ZNF90: variants seen among roughly 807,000 people sequenced by gnomAD.
The protein encoded by ZNF90 is zinc finger protein HTF9.
Under a neutral mutation model 12.0 loss-of-function variants are expected in ZNF90, and 11 were observed. That is an observed-to-expected ratio of 0.92 (90% confidence interval 0.58 to 1.52). ZNF90 has a LOEUF of 1.52. ZNF90 is among the 40% of genes most tolerant of loss of function. The pLI, the probability that ZNF90 is intolerant of heterozygous loss-of-function variation, is 0.00. For missense variants in ZNF90, 765 were observed against 711.5 expected (o/e 1.08, Z -0.86); for synonymous variants, 232 against 240.1 (o/e 0.97, Z 0.31).
At chr19:20,105,166 G>A in intron 2 of ZNF90, 55 bp from the exon 3 acceptor site, 1 of 1,397,430 alleles carries the variant, frequency 7.2e-7, no homozygotes, top group African/African-American at 1.4e-5. Context: ...CACAGTACTA[G>A]CTTGTAATTG....
At chr19:20,096,861 A>G (rs1182868912) in intron 1 of ZNF90, among the ~76,000 whole-genome samples, 4 of 152,220 alleles carry the variant, frequency 2.6e-5, no homozygotes, top group African/African-American at 9.7e-5. Flanking sequence ...AGTAGCCAAA[A>G]TGATAGAACC....
chr19:20,085,446 G>C (rs1379437417), intron 1 of ZNF90, among the ~76,000 whole-genome samples: 1 of 151,778 alleles, frequency 6.6e-6, no homozygotes, highest in Non-Finnish European at 1.5e-5. Flanking sequence ...ATTTTTAGTA[G>C]AGATGGGGTT....
rs1041131628 is a variant in ZNF90, at chr19:20,078,024, G to T, written c.-109G>T. 596 of 1,424,934 alleles carry T rather than the reference G, an allele frequency of 4.2e-4. 2 individuals carry two copies. Among genetic ancestry groups the T allele is most frequent in the Admixed American group, 8.8e-4 (52 of 59,088 alleles). The allele number at this position is 1,424,934 out of a possible 1,614,324, so 88.3% of individuals were successfully genotyped here. A position where few individuals can be genotyped will look rare whatever the true frequency, so the allele number is the denominator to read the frequency against. Reference sequence around the variant, plus strand: ...CCATTTGTCTCTTGCTGCAGCTGGTGCTCCAAATCTGGTCTTAGCTGCTTC... The same window carrying T: ...CCATTTGTCTCTTGCTGCAGCTGGTTCTCCAAATCTGGTCTTAGCTGCTTC... On this transcript the variant is annotated 5_prime_UTR_variant, in exon 1 of 4. Coordinates refer to ENST00000418063, the MANE Select transcript of ZNF90 (RefSeq NM_007138.2).
intron 3 of ZNF90, chr19:20,106,832 A>G: frequency 2.2e-6 from 1 of 451,826 alleles, no homozygotes; most frequent in East Asian, 7.0e-5. Flanking sequence ...CTGAATTGAT[A>G]GTGAAGAGGG....
At chr19:20,101,597 A>G (rs908438846) in intron 1 of ZNF90, among the ~76,000 whole-genome samples, 6 of 152,208 alleles carry the variant, frequency 3.9e-5, no homozygotes, top group Non-Finnish European at 8.8e-5. Context: ...TTCTATTTTA[A>G]AGGACATAAA....
intron 1 of ZNF90, among the ~76,000 whole-genome samples, chr19:20,089,478 G>A (rs1046568733): frequency 2.8e-4 from 42 of 152,086 alleles, no homozygotes; most frequent in Non-Finnish European, 4.7e-4. Flanking sequence ...GTTGGGCTTC[G>A]GAGATGAAGA....
At chr19:20,111,196 C>T (rs2089085790) in intron 3 of ZNF90, among the ~76,000 whole-genome samples, 1 of 152,052 alleles carries the variant, frequency 6.6e-6, no homozygotes, top group South Asian at 2.1e-4. Context: ...CCTCAGCCTC[C>T]CAAAGTGCTG....
At position 20,117,437 on chromosome 19, in the gene ZNF90, T is replaced by TTCCTTCCTTCCTTCCC. The variant is rs1555705812; in HGVS notation, c.227-341_227-340insTTCCTTCCTTCCCTCC. 2.3e-3 allele frequency: 344 copies of TTCCTTCCTTCCTTCCC among 147,680 alleles called. 2 individuals are homozygous for TTCCTTCCTTCCTTCCC. The highest frequency in any genetic ancestry group is 8.3e-3 in the African/African-American group (323 of 38,696). 9.1% of individuals were successfully genotyped at this position (147,680 alleles called of 1,614,324 possible). A position where few individuals can be genotyped will look rare whatever the true frequency, so the allele number is the denominator to read the frequency against. On this transcript the variant is annotated intron_variant, in intron 3 of 3. Transcript: ENST00000418063. The stretch of plus-strand genomic sequence containing the variant: ...CTTCCTTCCTTTCTTCCTTCCCTCC[T>TTCCTTCCTTCCTTCCC]TCCCTCCCTCCCTCCCTCCTTCCTT...
chr19:20,093,417 TG>T (rs1309895934), intron 1 of ZNF90, among the ~76,000 whole-genome samples: 1 of 151,966 alleles, frequency 6.6e-6, no homozygotes, highest in Non-Finnish European at 1.5e-5. Flanking sequence ...GTAATGGGCA[TG>T]TGATCGGTTG....
intron 1 of ZNF90, among the ~76,000 whole-genome samples, chr19:20,099,447 G>T (rs946695428): frequency 6.6e-6 from 1 of 152,142 alleles, no homozygotes; most frequent in African/African-American, 2.4e-5. Context: ...TGGGAGGAAC[G>T]GTCTATCATC....
At chr19:20,091,422 C>G (rs191197187) in intron 1 of ZNF90, among the ~76,000 whole-genome samples, 2,218 of 152,140 alleles carry the variant, frequency 0.015, 50 homozygotes, top group African/African-American at 0.051. Flanking sequence ...ATAGAATGGG[C>G]CTGTGAGGCT....
intron 1 of ZNF90, among the ~76,000 whole-genome samples, chr19:20,084,612 G>A (rs1278854069): frequency 1.3e-5 from 2 of 152,158 alleles, no homozygotes; most frequent in African/African-American, 4.8e-5. Context: ...CACCAGAAGA[G>A]TATAAGCATT....
chr19:20,112,320 T>TTTA lies in ZNF90; in HGVS notation c.227-5449_227-5447dup, dbSNP rs1165240858. ...AGTGGGCACTATTGCACCTGGCCTTTTTATTATTATTATTTTTTTGAGATG... is the reference window on the plus strand; with the variant it reads ...AGTGGGCACTATTGCACCTGGCCTTTTTATTATTATTATTATTTTTTTGAGATG... On this transcript the variant is annotated intron_variant, in intron 3 of 3. Coordinates refer to ENST00000418063, the MANE Select transcript of ZNF90 (RefSeq NM_007138.2). Among the ~76,000 whole-genome samples, 12 of 151,602 alleles carry TTTA rather than the reference T, an allele frequency of 7.9e-5. 1 individual carries two copies. Among genetic ancestry groups the TTTA allele is most frequent in the Admixed American group, 7.9e-4 (12 of 15,202 alleles).
At position 20,119,272 on chromosome 19, in the gene ZNF90, C is replaced by A. The variant is rs2089175261; in HGVS notation, c.1718C>A (p.Ala573Asp). The A allele has an allele frequency of 2.5e-6, 4 of 1,613,630 alleles. No individual in the cohort carries two copies. In the South Asian group the frequency reaches 4.4e-5, roughly 18 times the overall value. The part of the protein sequence containing the change: ...KPYKCEECGK[A>D]FNLSSDLNTH... ...TACAAATGTGAAGAATGTGGCAAAGCTTTTAACTTGTCCTCAGACCTTAAT... is the reference window on the plus strand; with the variant it reads ...TACAAATGTGAAGAATGTGGCAAAGATTTTAACTTGTCCTCAGACCTTAAT... The change falls in exon 4 of 4, where the codon GCT (alanine) becomes GAT (aspartate). Residue 573 changes from alanine (A) to aspartate (D), a missense_variant. By Grantham distance (126) the Ala-to-Asp change is moderately radical. Transcript: ENST00000418063.
At position 20,118,522 on chromosome 19, in the gene ZNF90, A is replaced by G. The variant is rs1599657203; in HGVS notation, c.968A>G (p.Lys323Arg). 6.2e-7 allele frequency: 1 copy of G among 1,613,426 alleles called. No individual in the cohort carries two copies. Among genetic ancestry groups the G allele is most frequent in the Non-Finnish European group, 8.5e-7 (1 of 1,179,920 alleles). Residue 323 changes from lysine to arginine, a missense_variant, in exon 4 of 4, where the codon AAG becomes AGG. By Grantham distance (26) the Lys-to-Arg change is conservative. Transcript: ENST00000418063. ...TGTGAAGAATGTGGCAAAGCCTTCA[A>G]GCTCTCCTCAATCCTTAGTACACAT... is the stretch of plus-strand genomic sequence containing the variant. ...YKCEECGKAFKLSSILSTHKR... is the reference protein window; with the variant it reads ...YKCEECGKAFRLSSILSTHKR...
chr19:20,088,839 T>C (rs2088879948), intron 1 of ZNF90, among the ~76,000 whole-genome samples: 1 of 152,064 alleles, frequency 6.6e-6, no homozygotes, highest in Non-Finnish European at 1.5e-5. Context: ...CCAAGAGCAA[T>C]AGTGGAGGCA....
rs2088850765 is a variant in ZNF90, at chr19:20,085,307, TGGAGTGCAGTGGCCC to T, written c.3+7174_3+7188del. Among the ~76,000 whole-genome samples the T allele has an allele frequency of 4.7e-5, 6 of 127,714 alleles. 1 individual carries two copies. Among genetic ancestry groups the T allele is most frequent in the African/African-American group, 2.6e-4 (6 of 23,208 alleles). 83.8% of individuals were successfully genotyped at this position (127,714 alleles called of 152,430 possible). A position where few individuals can be genotyped will look rare whatever the true frequency, so the allele number is the denominator to read the frequency against. ...CGGAGTCTCGCTCTTTGGCCGAGAC[TGGAGTGCAGTGGCCC>T]GATCTCGGCTCACTGCAAGCTCCGC... On this transcript the variant is annotated intron_variant, in intron 1 of 3. Coordinates refer to ENST00000418063, the MANE Select transcript of ZNF90 (RefSeq NM_007138.2).
At chr19:20,096,566 A>T (rs984174150) in intron 1 of ZNF90, among the ~76,000 whole-genome samples, 2 of 152,004 alleles carry the variant, frequency 1.3e-5, no homozygotes, top group Non-Finnish European at 2.9e-5. Flanking sequence ...GTGCTTTTTG[A>T]GCCAGGATGA....
chr19:20,087,593 C>A (rs1336585803), intron 1 of ZNF90: 1 of 152,370 alleles, frequency 6.6e-6, no homozygotes, highest in Non-Finnish European at 1.5e-5. Flanking sequence ...CACTGGAGTG[C>A]TGCTGTGGCA....
Sources: gnomAD v4.1 joint callset for allele counts (sites outside exome capture counted in the v4.1 genomes callset) on GRCh38, gnomAD v4.1.1 for gene constraint, MANE v1.5 for transcripts, NCBI Gene and HGNC (gene_info 2026-07-23, HGNC 2026-07-21) for gene names.